The following ARMC3 variants were observed in gnomAD, a reference collection of about 807,000 sequenced individuals.
ARMC3 encodes the protein armadillo repeat containing 3, also known as armadillo repeat-containing protein 3.
ARMC3 carries 74 observed loss-of-function variants against 90.3 expected under a neutral mutation model. The observed-to-expected ratio is 0.82, with a 90% CI of 0.68 to 0.99. The LOEUF (loss-of-function observed/expected upper bound fraction) is 0.99. Among genes scored for constraint, ARMC3 ranks in the 50% least tolerant of loss-of-function variants. The probability of loss-of-function intolerance (pLI) is 0.00; values close to 1 mark genes in which losing one functional copy is unlikely to be tolerated. For synonymous variants in ARMC3, 334 were observed against 361.8 expected, an observed-to-expected ratio of 0.92 and a Z score of 0.87; for missense variants, 958 against 1,042.8, an observed-to-expected ratio of 0.92 and a Z score of 1.12.
intron 8 of ARMC3, among the ~76,000 whole-genome samples, chr10:22,973,734 T>C (rs1277876033): frequency 6.6e-6 from 1 of 150,584 alleles, no homozygotes; most frequent in Admixed American, 6.6e-5. Context: ...TTTTCTCTTG[T>C]AATTTTTTCT....
At chr10:23,001,189 AC>A (rs1837269999) in intron 11 of ARMC3, among the ~76,000 whole-genome samples, 1 of 152,086 alleles carries the variant, frequency 6.6e-6, no homozygotes, top group Admixed American at 6.5e-5. Flanking sequence ...AATCTTAGGG[AC>A]TGTGTTAACT....
chr10:23,011,577 A>G (rs1471119205), intron 16 of ARMC3, among the ~76,000 whole-genome samples: 1 of 152,190 alleles, frequency 6.6e-6, no homozygotes, highest in Non-Finnish European at 1.5e-5. Context: ...AGGGTCCTCA[A>G]TGGGACAGGT....
At chr10:22,976,309 C>T (rs1328883286) in intron 8 of ARMC3, among the ~76,000 whole-genome samples, 1 of 152,182 alleles carries the variant, frequency 6.6e-6, no homozygotes, top group African/African-American at 2.4e-5. Flanking sequence ...AGCTCATCTC[C>T]ATCATTTCAC....
At chr10:23,002,789 G>A (rs1837369471) in intron 12 of ARMC3, among the ~76,000 whole-genome samples, 1 of 151,906 alleles carries the variant, frequency 6.6e-6, no homozygotes. Context: ...GGCCAGGCTG[G>A]TCTCGAACTC....
At chr10:22,969,954 A>G (rs1835612717) in intron 8 of ARMC3, among the ~76,000 whole-genome samples, 1 of 152,144 alleles carries the variant, frequency 6.6e-6, no homozygotes, top group African/African-American at 2.4e-5. Context: ...GAGTTCTAGT[A>G]CTAGTTCCAC....
At chr10:23,005,500 G>T (rs1404642178) in intron 13 of ARMC3, among the ~76,000 whole-genome samples, 2 of 152,172 alleles carry the variant, frequency 1.3e-5, no homozygotes, top group Non-Finnish European at 2.9e-5. Context: ...CCGCTTCCAT[G>T]GTACCAGTGC....
chr10:22,996,540 C>T (rs369774774), intron 10 of ARMC3, among the ~76,000 whole-genome samples: 20 of 152,258 alleles, frequency 1.3e-4, no homozygotes, highest in East Asian at 9.6e-4. Context: ...TGAGTAGAAA[C>T]GAAGCAAGGC....
At position 22,954,863 on chromosome 10, in the gene ARMC3, C is replaced by T. The variant is rs1351950717; in HGVS notation, c.167-944C>T. ...AAGATTTGTAATGGGAATTGACTCA[C>T]ATGATTGTGGAGGCTGAGAAGTCCC... On this transcript the variant is annotated intron_variant, in intron 3 of 18. Transcript: ENST00000298032. Among the ~76,000 whole-genome samples, 5 of 152,060 alleles carry T rather than the reference C, an allele frequency of 3.3e-5. No individual in the cohort carries two copies. The East Asian group carries it at 9.6e-4, about 29-fold the overall frequency.
rs1294050467 is a variant in ARMC3 at position 23,037,169 on chromosome 10, C to T, written c.2410-101C>T. On this transcript the variant is annotated intron_variant, in intron 18 of 18. Transcript: ENST00000298032. ...CCTATCTAAACATTTCTTTGCAAGA[C>T]TTGTGTATTTCACCTTCAATCAAGG... 3.7e-6 allele frequency: 4 copies of T among 1,085,842 alleles called. No individual in the cohort carries two copies. The East Asian group carries it at 7.3e-5, about 20-fold the overall frequency. The allele number at this position is 1,085,842 out of a possible 1,614,324, so 67.3% of individuals were successfully genotyped here.
At chr10:23,005,739 C>G (rs1837573908) in intron 13 of ARMC3, among the ~76,000 whole-genome samples, 1 of 152,134 alleles carries the variant, frequency 6.6e-6, no homozygotes, top group Non-Finnish European at 1.5e-5. Context: ...TGGCACGCAC[C>G]TGTAATCCCA....
Position 23,037,479 on chromosome 10 carries a change from A to T in ARMC3, c.2619A>T (p.Ter873TyrextTer25). Residue 873 changes from the stop codon to tyrosine (Y), a stop_lost, in exon 19 of 19, where the codon TAA (stop) becomes TAT (tyrosine). Coordinates refer to ENST00000298032, the MANE Select transcript of ARMC3 (RefSeq NM_173081.5). Reference sequence around the variant, plus strand: ...AGGCTGATCTTTACAGATTCATTTAAGCCATCAGACGAACACAAGAGAGGC... The same window carrying T: ...AGGCTGATCTTTACAGATTCATTTATGCCATCAGACGAACACAAGAGAGGC... ...SREADLYRFI[*>Y] 6.2e-7 allele frequency: 1 copy of T among 1,611,778 alleles called. No individual in the cohort carries two copies. The highest frequency in any genetic ancestry group is 1.1e-5 in the South Asian group (1 of 90,548).
chr10:23,005,229 A>C (rs1837535204), intron 13 of ARMC3, among the ~76,000 whole-genome samples: 1 of 151,612 alleles, frequency 6.6e-6, no homozygotes, highest in Admixed American at 6.6e-5. Context: ...AAAAAAAAAA[A>C]AAAACCAAAC....
chr10:23,009,204 C>T (rs1723091015), intron 16 of ARMC3, among the ~76,000 whole-genome samples: 1 of 152,126 alleles, frequency 6.6e-6, no homozygotes, highest in African/African-American at 2.4e-5. Context: ...AACTTGGCAA[C>T]AGGGACAGCA....
intron 2 of ARMC3, among the ~76,000 whole-genome samples, chr10:22,933,872 G>A (rs1417627122): frequency 6.6e-6 from 1 of 152,124 alleles, no homozygotes; most frequent in Non-Finnish European, 1.5e-5. Flanking sequence ...GCAACAGAGC[G>A]AGACTGCATC....
In ARMC3 at chr10:22,968,380, G is replaced by T; in HGVS notation, c.807G>T (p.Gln269His). Residue 269 changes from glutamine to histidine, a missense_variant, in exon 8 of 19, where the codon CAG becomes CAT. Gln to His is a conservative substitution (Grantham distance 24). Transcript: ENST00000298032. ...TTGAAGACATGGATACTATGGTGCA[G>T]ATTCAGCAGACAGGGGGTCTTAAAA... ...NCLEDMDTMV[Q>H]IQQTGGLKKL... The T allele has an allele frequency of 6.2e-7, 1 of 1,613,984 alleles. No individual in the cohort carries two copies. The highest frequency in any genetic ancestry group is 1.6e-4 in the Middle Eastern group (1 of 6,062).
chr10:22,952,567 A>G (rs567586951), intron 3 of ARMC3, among the ~76,000 whole-genome samples: 1 of 152,160 alleles, frequency 6.6e-6, no homozygotes, highest in Admixed American at 6.5e-5. Flanking sequence ...CCAGGTCCAG[A>G]TGGTTTTACT....
Position 22,998,265 on chromosome 10 carries a change from G to A in ARMC3, c.1293G>A (p.Leu431=). Residue 431 remains leucine (L), a synonymous_variant, in exon 11 of 19, where the codon CTG becomes CTA. Coordinates refer to ENST00000298032, the MANE Select transcript of ARMC3 (RefSeq NM_173081.5). ...VLTNMAMQEP[L]RLNIQNHDIM... is the part of the protein sequence containing the mutation. The stretch of plus-strand genomic sequence containing the variant: ...CAAACATGGCCATGCAGGAGCCCCT[G>A]CGCCTGAACATACAGAATCACGACA... 6.2e-7 allele frequency: 1 copy of A among 1,612,372 alleles called. No homozygotes were observed. The highest frequency in any genetic ancestry group is 8.5e-7 in the Non-Finnish European group (1 of 1,179,122).
intron 2 of ARMC3, among the ~76,000 whole-genome samples, chr10:22,944,503 T>TC (rs1351382299): frequency 3.3e-5 from 5 of 152,096 alleles, no homozygotes; most frequent in African/African-American, 9.7e-5. Context: ...CAAATTAATT[T>TC]CCCCACTCTC....
intron 7 of ARMC3, among the ~76,000 whole-genome samples, chr10:22,967,026 T>A (rs1835471264): frequency 6.6e-6 from 1 of 152,074 alleles, no homozygotes; most frequent in Non-Finnish European, 1.5e-5. Flanking sequence ...TTTAAGGAAT[T>A]GGCTCATGTG....
Sources: allele counts gnomAD v4.1 joint callset (sites outside exome capture counted in the v4.1 genomes callset), GRCh38; gene constraint gnomAD v4.1.1; transcripts MANE v1.5; gene names NCBI Gene and HGNC (gene_info 2026-07-23, HGNC 2026-07-21).